The following ASTN2 variants were observed in gnomAD, a reference collection of about 807,000 sequenced individuals.
ASTN2 encodes astrotactin-2.
ASTN2 carries 54 observed loss-of-function variants against 139.8 expected under a neutral mutation model. The observed-to-expected ratio is 0.39, with a 90% CI of 0.31 to 0.48. ASTN2 has a LOEUF of 0.48. ASTN2 is among the 20% of genes least tolerant of loss of function. ASTN2 has a pLI of 0.95. For synonymous variants in ASTN2, 756 were observed against 719.5 expected, an observed-to-expected ratio of 1.05 and a Z score of -0.81; for missense variants, 1,565 against 1,725.1, an observed-to-expected ratio of 0.91 and a Z score of 1.64.
At chr9:117,219,920 T>TG (rs1380001239) in intron 2 of ASTN2, among the ~76,000 whole-genome samples, 2 of 152,154 alleles carry the variant, frequency 1.3e-5, no homozygotes, top group African/African-American at 4.8e-5. Context: ...ACCAGGTGCC[T>TG]GGGGGCATAC....
chr9:116,525,016 G>A (rs754939335), intron 19 of ASTN2, among the ~76,000 whole-genome samples: 3 of 152,156 alleles, frequency 2.0e-5, no homozygotes, highest in Non-Finnish European at 4.4e-5. Flanking sequence ...GAAGAAGACA[G>A]GGATATGTGG....
intron 1 of ASTN2, among the ~76,000 whole-genome samples, chr9:117,296,075 C>A (rs1002442825): frequency 6.6e-6 from 1 of 151,544 alleles, no homozygotes; most frequent in African/African-American, 2.4e-5. Flanking sequence ...GTCAAGAGTT[C>A]GAGACCAGCC....
At chr9:116,529,553 T>G (rs1392289872) in intron 19 of ASTN2, among the ~76,000 whole-genome samples, 1 of 152,114 alleles carries the variant, frequency 6.6e-6, no homozygotes, top group Non-Finnish European at 1.5e-5. Context: ...CAATTGCATT[T>G]TGAAATGTGA....
chr9:117,113,367 A>AT (rs748567229), intron 4 of ASTN2, among the ~76,000 whole-genome samples: 6 of 152,330 alleles, frequency 3.9e-5, no homozygotes, highest in Admixed American at 2.6e-4. Context: ...AAAATACAGC[A>AT]TATTTAGGCC....
At chr9:117,170,221 A>G (rs919230841) in intron 3 of ASTN2, among the ~76,000 whole-genome samples, 1 of 152,042 alleles carries the variant, frequency 6.6e-6, no homozygotes, top group Admixed American at 6.6e-5. Context: ...TTTGCTTGAG[A>G]GTCTTAATTC....
chr9:116,796,089 G>A (rs1198327631), intron 13 of ASTN2, among the ~76,000 whole-genome samples: 1 of 152,170 alleles, frequency 6.6e-6, no homozygotes, highest in Non-Finnish European at 1.5e-5. Flanking sequence ...TCTATGGCAC[G>A]TGGGACTTCT....
intron 3 of ASTN2, among the ~76,000 whole-genome samples, chr9:117,199,567 C>T (rs546782638): frequency 6.6e-6 from 1 of 152,182 alleles, no homozygotes. Flanking sequence ...TGTAATGTCT[C>T]CAGCTTTGTT....
chr9:116,739,481 GC>G (rs1829039282), intron 13 of ASTN2, among the ~76,000 whole-genome samples: 1 of 34,178 alleles, frequency 2.9e-5, no homozygotes, highest in Non-Finnish European at 9.9e-5. Context: ...TCTGGAATTT[GC>G]CCTCCCTCTG....
intron 13 of ASTN2, among the ~76,000 whole-genome samples, chr9:116,798,195 C>G (rs983292632): frequency 1.3e-5 from 2 of 152,198 alleles, no homozygotes; most frequent in Non-Finnish European, 2.9e-5. Flanking sequence ...CAGGTCAGCC[C>G]AGGAGGCATA....
At chr9:117,122,506 G>A (rs1829582590) in intron 4 of ASTN2, among the ~76,000 whole-genome samples, 1 of 152,152 alleles carries the variant, frequency 6.6e-6, no homozygotes, top group African/African-American at 2.4e-5. Flanking sequence ...TCTGTATATG[G>A]ATACAAGGAT....
At chr9:116,459,562 A>T (rs1485135656) in intron 20 of ASTN2, among the ~76,000 whole-genome samples, 1 of 152,064 alleles carries the variant, frequency 6.6e-6, no homozygotes, top group Non-Finnish European at 1.5e-5. Flanking sequence ...ACAACTGAAC[A>T]ATTTACGAAG....
intron 1 of ASTN2, among the ~76,000 whole-genome samples, chr9:117,313,427 G>A (rs958268092): frequency 6.6e-6 from 1 of 152,174 alleles, no homozygotes; most frequent in African/African-American, 2.4e-5. Context: ...TGCACTCAAG[G>A]CAGCCTGAGA....
intron 10 of ASTN2, among the ~76,000 whole-genome samples, chr9:116,886,878 T>C (rs947484716): frequency 5.9e-5 from 9 of 151,968 alleles, no homozygotes; most frequent in African/African-American, 2.2e-4. Context: ...ACTTATGTGG[T>C]TTAAGAGTTA....
At chr9:117,146,070 G>A (rs1331326567) in intron 3 of ASTN2, among the ~76,000 whole-genome samples, 1 of 152,066 alleles carries the variant, frequency 6.6e-6, no homozygotes, top group Non-Finnish European at 1.5e-5. Context: ...ACTTAGAGGG[G>A]GAAGTGCTTT....
At chr9:117,274,575 A>T (rs551519427) in intron 2 of ASTN2, among the ~76,000 whole-genome samples, 2 of 152,324 alleles carry the variant, frequency 1.3e-5, no homozygotes, top group South Asian at 4.2e-4. Context: ...TGAAGATATG[A>T]GTTAGCATCT....
At chr9:116,927,020 A>G (rs1477553403) in intron 10 of ASTN2, among the ~76,000 whole-genome samples, 1 of 152,242 alleles carries the variant, frequency 6.6e-6, no homozygotes, top group African/African-American at 2.4e-5. Flanking sequence ...CAAGTTTTAG[A>G]AAAACTAATT....
At chr9:117,200,831 G>T (rs1831685773) in intron 3 of ASTN2, among the ~76,000 whole-genome samples, 1 of 151,996 alleles carries the variant, frequency 6.6e-6, no homozygotes, top group Non-Finnish European at 1.5e-5. Context: ...TTCTTTCTTT[G>T]TTGTGTCTCT....
intron 5 of ASTN2, among the ~76,000 whole-genome samples, chr9:117,085,666 C>T (rs62562213): frequency 0.024 from 3,681 of 152,262 alleles, 58 homozygotes; most frequent in Middle Eastern, 0.071. Context: ...GTTCTGACCA[C>T]GACTATTTCT....
At chr9:117,126,255 G>C (rs73657662) in intron 4 of ASTN2, among the ~76,000 whole-genome samples, 1 of 152,124 alleles carries the variant, frequency 6.6e-6, no homozygotes, top group African/African-American at 2.4e-5. Context: ...ATCCCACACA[G>C]GTAATGTGAA....
Sources: allele counts gnomAD v4.1 joint callset (sites outside exome capture counted in the v4.1 genomes callset), GRCh38; gene constraint gnomAD v4.1.1; transcripts MANE v1.5; gene names NCBI Gene and HGNC (gene_info 2026-07-23, HGNC 2026-07-21).